Variants in EPC2 observed in about 807,000 individuals in gnomAD.
The protein encoded by EPC2 is enhancer of polycomb 2.
EPC2 carries 14 observed loss-of-function variants against 92.1 expected under a neutral mutation model. The observed-to-expected ratio is 0.15, with a 90% CI of 0.10 to 0.24. The LOEUF (loss-of-function observed/expected upper bound fraction) is 0.24, where lower values mean the gene tolerates loss of function less well. Among genes scored for constraint, EPC2 ranks in the 10% least tolerant of loss-of-function variants. The pLI is 1.00. For missense variants in EPC2, 755 were observed against 971.5 expected, an observed-to-expected ratio of 0.78 and a Z score of 2.96; for synonymous variants, 340 against 334.7, an observed-to-expected ratio of 1.02 and a Z score of -0.17.
rs760099746 is a variant in EPC2, at chr2:148,712,244, GGT to G, written c.313+21890_313+21891del. Among the ~76,000 whole-genome samples the G allele has an allele frequency of 8.6e-4, 128 of 149,300 alleles. 1 individual carries two copies. The highest frequency in any genetic ancestry group is 3.5e-3 in the Middle Eastern group (1 of 284). ...CTATCATACTGTTTGTGTGTGTGGG[GGT>G]GTGTGTGTGTGTGTGTGTTTGCCCT... On this transcript the variant is annotated intron_variant, in intron 2 of 13. Transcript: ENST00000258484.
intron 7 of EPC2, among the ~76,000 whole-genome samples, chr2:148,766,128 T>C (rs1371895612): frequency 2.0e-5 from 3 of 152,180 alleles, no homozygotes; most frequent in Non-Finnish European, 2.9e-5. Flanking sequence ...AAAAATAGTA[T>C]GGGAAACTTA....
At chr2:148,709,773 C>T (rs1330088680) in intron 2 of EPC2, among the ~76,000 whole-genome samples, 4 of 152,166 alleles carry the variant, frequency 2.6e-5, no homozygotes, top group African/African-American at 9.7e-5. Flanking sequence ...ATAAATGGTG[C>T]TGGGAAAACT....
At chr2:148,741,800 A>G (rs536861971) in intron 2 of EPC2, among the ~76,000 whole-genome samples, 5 of 152,336 alleles carry the variant, frequency 3.3e-5, no homozygotes, top group Non-Finnish European at 7.4e-5. Flanking sequence ...AAAATGTCAA[A>G]CAATACAAAT....
At chr2:148,721,712 C>CTTTTTTTT (rs34017461) in intron 2 of EPC2, among the ~76,000 whole-genome samples, 1 of 111,528 alleles carries the variant, frequency 9.0e-6, no homozygotes, top group African/African-American at 3.5e-5. Flanking sequence ...CTGTTTTATT[C>CTTTTTTTT]TTTTTTTTTT....
intron 10 of EPC2, among the ~76,000 whole-genome samples, chr2:148,778,543 G>A (rs141908141): frequency 0.054 from 1,829 of 33,950 alleles, 43 homozygotes; most frequent in African/African-American, 0.17. Flanking sequence ...CTGCCCCCCC[G>A]CCCACCACCA....
At chr2:148,763,385 T>C (rs751407769) in intron 6 of EPC2, among the ~76,000 whole-genome samples, 4 of 152,130 alleles carry the variant, frequency 2.6e-5, no homozygotes, top group Non-Finnish European at 5.9e-5. Flanking sequence ...ATTTATTTGG[T>C]CCTCACTTGG....
chr2:148,784,598 T>G (rs1208518503), intron 12 of EPC2, 70 bp from the exon 13 acceptor site: 1 of 1,165,010 alleles, frequency 8.6e-7, no homozygotes, highest in East Asian at 2.4e-5. Context: ...CGTATTTATT[T>G]TATTAAGCTT....
In EPC2 at chr2:148,786,369, G is replaced by A. The variant is rs751117142; in HGVS notation, c.2416G>A (p.Val806Met). ...AGCAGAGACAACAGTAGCTATGGAA[G>A]TGACATAACCTAAAACACGTGGCTC... ...GIAETTVAMEVT is the reference protein window; with the variant it reads ...GIAETTVAMEMT Residue 806 changes from valine to methionine, a missense_variant, in exon 14 of 14, where the codon GTG (valine) becomes ATG (methionine). By Grantham distance (21) the Val-to-Met change is conservative. Transcript: ENST00000258484. 6.2e-7 allele frequency: 1 copy of A among 1,608,896 alleles called. No individual in the cohort carries two copies. Among genetic ancestry groups the A allele is most frequent in the East Asian group, 2.2e-5 (1 of 44,746 alleles).
At chr2:148,647,588 T>G (rs1047360945) in intron 1 of EPC2, among the ~76,000 whole-genome samples, 2 of 149,962 alleles carry the variant, frequency 1.3e-5, no homozygotes. Flanking sequence ...ATTACAGGTG[T>G]GAGCCACTGC....
intron 1 of EPC2, 23 bp downstream of exon 1, chr2:148,645,193 C>T (rs753896547): frequency 1.3e-6 from 2 of 1,529,248 alleles, no homozygotes; most frequent in South Asian, 1.2e-5. Context: ...GTGTTTATTA[C>T]CCCCCCTTCC....
chr2:148,741,055 T>G (rs552335909), intron 2 of EPC2, among the ~76,000 whole-genome samples: 3 of 152,170 alleles, frequency 2.0e-5, no homozygotes, highest in Non-Finnish European at 4.4e-5. Context: ...AGACAAGGTT[T>G]TACATAAAAG....
In EPC2 at chr2:148,735,853, C is replaced by CT. The variant is rs537094550; in HGVS notation, c.314-7761dup. 7.2e-3 allele frequency among the ~76,000 whole-genome samples: 1,092 copies of CT among 151,714 alleles called. 6 individuals are homozygous for CT. Among genetic ancestry groups the CT allele is most frequent in the African/African-American group, 0.025 (1,021 of 41,422 alleles). On this transcript the variant is annotated intron_variant, in intron 2 of 13. Transcript: ENST00000258484. ...CTTATAAGTGATCTCATTTATCTTACTTTTTTTTAACAGCTGATACTTTTG... is the reference window on the plus strand; with the variant it reads ...CTTATAAGTGATCTCATTTATCTTACTTTTTTTTTAACAGCTGATACTTTTG...
intron 2 of EPC2, among the ~76,000 whole-genome samples, chr2:148,704,454 A>G (rs1344642913): frequency 6.6e-6 from 1 of 152,202 alleles, no homozygotes; most frequent in Non-Finnish European, 1.5e-5. Context: ...ATTATGCAAC[A>G]TTATGAATGT....
At position 148,758,464 on chromosome 2, in the gene EPC2, C is replaced by T. The variant is rs541922242; in HGVS notation, c.667-3318C>T. On this transcript the variant is annotated intron_variant, in intron 4 of 13. Coordinates refer to ENST00000258484, the MANE Select transcript of EPC2 (RefSeq NM_015630.4). ...AGGCTGAAATGTAGTGGTGCAATCT[C>T]GCCCCAGTGCAACCTCTGCCTCCTG... 2.2e-4 allele frequency among the ~76,000 whole-genome samples: 34 copies of T among 152,200 alleles called. No homozygotes were observed. In the South Asian group the frequency reaches 6.8e-3, roughly 31 times the overall value.
rs1313364326 is a variant in EPC2 at position 148,699,016 on chromosome 2, C to G, written c.313+8643C>G. 3.9e-5 allele frequency among the ~76,000 whole-genome samples: 6 copies of G among 151,998 alleles called. No homozygotes were observed. The East Asian group carries it at 1.2e-3, about 29-fold the overall frequency. The stretch of plus-strand genomic sequence containing the variant: ...ATATCCTTCCGTAGTCAGCAGGGAT[C>G]TATAAGAGGGCCAGTAATGAAGGTT... On this transcript the variant is annotated intron_variant, in intron 2 of 13. Transcript: ENST00000258484.
chr2:148,717,275 A>G (rs1000159075), intron 2 of EPC2, among the ~76,000 whole-genome samples: 3 of 128,518 alleles, frequency 2.3e-5, no homozygotes, highest in African/African-American at 6.1e-5. Flanking sequence ...TTTCTTGTCT[A>G]CTGGTAGCTT....
Position 148,771,169 on chromosome 2 carries a change from A to G in EPC2, c.1502A>G (p.Asn501Ser), listed in dbSNP as rs34444151. Residue 501 changes from asparagine (N) to serine (S), a missense_variant, in exon 10 of 14, where the codon AAT becomes AGT. Asn to Ser is a conservative substitution (Grantham distance 46). This residue lies in a region of EPC2 where 509 missense variants were observed against 607.7 expected (regional missense o/e 0.84). Transcript: ENST00000258484. ...TTTTCTTCTAATTTCTCTCGGACCA[A>G]TGCTTCCAGTAAACATTGTGAAAAT... ...IDFSSNFSRT[N>S]ASSKHCENRL... is the part of the protein sequence containing the mutation. 1.8e-3 allele frequency: 2,892 copies of G among 1,613,994 alleles called. 34 individuals carry two copies. The African/African-American group carries it at 0.023, about 13-fold the overall frequency.
chr2:148,752,486 G>C, intron 3 of EPC2, among the ~76,000 whole-genome samples: 1 of 152,136 alleles, frequency 6.6e-6, no homozygotes, highest in East Asian at 1.9e-4. Flanking sequence ...GGTTCTTATG[G>C]TGTGGTCTTA....
At chr2:148,656,001 C>CTGTGTTTGTGTG (rs777687880) in intron 1 of EPC2, among the ~76,000 whole-genome samples, 26 of 59,956 alleles carry the variant, frequency 4.3e-4, no homozygotes, top group African/African-American at 1.5e-3. Flanking sequence ...CTGCTGTTAG[C>CTGTGTTTGTGTG]TGTGTGTGTG....
Sources: gnomAD v4.1 joint callset for allele counts (sites outside exome capture counted in the v4.1 genomes callset) on GRCh38, gnomAD v4.1.1 for gene constraint, gnomAD v4.1.1 regional missense constraint, MANE v1.5 for transcripts, NCBI Gene and HGNC (gene_info 2026-07-23, HGNC 2026-07-21) for gene names.